EP300: variants seen among roughly 807,000 people sequenced by gnomAD.
The protein encoded by EP300 is EP300 lysine acetyltransferase, also known as histone acetyltransferase p300.
A neutral mutation model predicts 264.0 loss-of-function variants in EP300; 31 were observed. The ratio of observed to expected loss-of-function variants is 0.12; its 90% CI spans 0.09 to 0.16. The LOEUF is 0.16. Ranked by LOEUF, EP300 falls within the 10% of genes least tolerant of loss-of-function variation. The pLI, the probability that EP300 is intolerant of heterozygous loss-of-function variation, is 1.00. For synonymous variants in EP300, 1,340 were observed against 1,045.4 expected, an observed-to-expected ratio of 1.28 and a Z score of -5.44; for missense variants, 2,766 against 3,052.9, an observed-to-expected ratio of 0.91 and a Z score of 2.21.
chr22:41,120,839 C>T (rs2058848294), intron 2 of EP300, among the ~76,000 whole-genome samples: 1 of 152,204 alleles, frequency 6.6e-6, no homozygotes, highest in Non-Finnish European at 1.5e-5. Flanking sequence ...CTACCTCAGA[C>T]TCCTAAGTAG....
rs772022409 is a variant in EP300, at chr22:41,178,332, C to T, written c.6621C>T (p.Asn2207=). 7 of 1,614,144 alleles carry T rather than the reference C, an allele frequency of 4.3e-6. No homozygotes were observed. Among genetic ancestry groups the T allele is most frequent in the Non-Finnish European group, 5.9e-6 (7 of 1,180,016 alleles). ...AGPGIGPGMA[N]HNQFQQPQGV... ...CAGGAATAGGCCCTGGAATGGCCAACCATAACCAGTTCCAGCAACCCCAAG... is the reference window on the plus strand; with the variant it reads ...CAGGAATAGGCCCTGGAATGGCCAATCATAACCAGTTCCAGCAACCCCAAG... Residue 2207 remains asparagine (N), a synonymous_variant, in exon 31 of 31, where the codon AAC becomes AAT. Transcript: ENST00000263253.
intron 1 of EP300, among the ~76,000 whole-genome samples, chr22:41,105,452 G>A (rs1349457231): frequency 1.3e-5 from 2 of 151,686 alleles, no homozygotes; most frequent in Admixed American, 6.6e-5. Flanking sequence ...AGGCTGGAGT[G>A]CAGTGGTGCA....
At chr22:41,108,515 G>GATTA in intron 1 of EP300, among the ~76,000 whole-genome samples, 1 of 151,948 alleles carries the variant, frequency 6.6e-6, no homozygotes, top group Non-Finnish European at 1.5e-5. Context: ...TTCCAAAGTG[G>GATTA]TAGGATTATA....
intron 8 of EP300, among the ~76,000 whole-genome samples, chr22:41,139,340 G>C (rs1378007971): frequency 2.6e-5 from 4 of 152,142 alleles, no homozygotes; most frequent in African/African-American, 4.8e-5. Flanking sequence ...CTTTAATAAA[G>C]AATAACCGAT....
chr22:41,172,717 C>A (rs988061901), intron 28 of EP300, 54 bp downstream of exon 28: 1 of 1,558,394 alleles, frequency 6.4e-7, no homozygotes, highest in South Asian at 1.2e-5. Context: ...ATATTTAATC[C>A]AGAAGTGCAC....
Position 41,174,140 on chromosome 22 carries a change from A to G in EP300, c.4779+356A>G, listed in dbSNP as rs568127666. On this transcript the variant is annotated intron_variant, in intron 29 of 30. Transcript: ENST00000263253. Reference sequence around the variant, plus strand: ...AAAGAAATAAGAAATGAATAAAAACACTGACTGTTCGCTGGGCGTGGTGGC... The same window carrying G: ...AAAGAAATAAGAAATGAATAAAAACGCTGACTGTTCGCTGGGCGTGGTGGC... Among the ~76,000 whole-genome samples, 55 of 136,680 alleles carry G rather than the reference A, an allele frequency of 4.0e-4. 1 individual carries two copies. The highest frequency in any genetic ancestry group is 6.2e-4 in the Non-Finnish European group (38 of 61,696). The allele number at this position is 136,680 out of a possible 152,430, so 89.7% of individuals were successfully genotyped here.
chr22:41,146,626 T>C, intron 10 of EP300, 113 bp from the exon 11 acceptor site: 1 of 883,374 alleles, frequency 1.1e-6, no homozygotes, highest in Non-Finnish European at 1.9e-6. Context: ...TGATTCATAC[T>C]CAATTTTCAA....
chr22:41,166,242 T>C (rs920356500), intron 22 of EP300, among the ~76,000 whole-genome samples: 3 of 152,242 alleles, frequency 2.0e-5, no homozygotes, highest in African/African-American at 7.2e-5. Flanking sequence ...CTGAATCTAT[T>C]GGTTCTACTC....
intron 1 of EP300, among the ~76,000 whole-genome samples, chr22:41,104,019 A>G (rs566253095): frequency 6.6e-6 from 1 of 152,172 alleles, no homozygotes; most frequent in African/African-American, 2.4e-5. Context: ...CCAGATACCA[A>G]CTTAGAAACC....
chr22:41,152,479 G>A (rs2145741509), intron 16 of EP300, 129 bp downstream of exon 16: 1 of 1,060,670 alleles, frequency 9.4e-7, no homozygotes, highest in Non-Finnish European at 1.4e-6. Context: ...GAAGCCCTGG[G>A]CCTGGTCTCT....
Position 41,109,262 on chromosome 22 carries a change from A to AG in EP300, c.95-7925_95-7924insG, listed in dbSNP as rs1379133560. Among the ~76,000 whole-genome samples, 5 of 151,702 alleles carry AG rather than the reference A, an allele frequency of 3.3e-5. No homozygotes were observed. In the Middle Eastern group the frequency reaches 0.01, roughly 312 times the overall value. On this transcript the variant is annotated intron_variant, in intron 1 of 30. Transcript: ENST00000263253. ...GAGCAAGACCCTGTCTCAAAAAAAA[A>AG]AAAAAACAAAAAAAAACGGAAAACA...
intron 4 of EP300, among the ~76,000 whole-genome samples, chr22:41,129,171 G>A (rs201671451): frequency 4.1e-4 from 43 of 105,770 alleles, no homozygotes; most frequent in Admixed American, 9.4e-4. Flanking sequence ...CCACCATGGC[G>A]GCTAATTTTT....
intron 10 of EP300, among the ~76,000 whole-genome samples, chr22:41,145,015 T>C (rs1205738868): frequency 6.6e-6 from 1 of 152,232 alleles, no homozygotes; most frequent in African/African-American, 2.4e-5. Flanking sequence ...ACTTCAGTCC[T>C]CACCATTCTC....
intron 3 of EP300, 192 bp downstream of exon 3, chr22:41,126,232 G>A (rs1322283451): frequency 3.2e-6 from 2 of 615,676 alleles, no homozygotes; most frequent in South Asian, 1.9e-5. Flanking sequence ...GTTCCATGTG[G>A]TTATTGATCA....
chr22:41,140,656 AGGCAT>A (rs1330997959), intron 9 of EP300, among the ~76,000 whole-genome samples: 3 of 152,074 alleles, frequency 2.0e-5, no homozygotes, highest in Non-Finnish European at 2.9e-5. Flanking sequence ...AAAATTAGCC[AGGCAT>A]GGTGGCACGT....
intron 2 of EP300, among the ~76,000 whole-genome samples, chr22:41,125,428 G>GT (rs113266126): frequency 0.019 from 2,794 of 148,206 alleles, 71 homozygotes; most frequent in African/African-American, 0.065. Context: ...GTTTTTTGGG[G>GT]TTTTTTTTTT....
At chr22:41,165,445 C>CA (rs2059128938) in intron 22 of EP300, among the ~76,000 whole-genome samples, 1 of 152,058 alleles carries the variant, frequency 6.6e-6, no homozygotes, top group South Asian at 2.1e-4. Flanking sequence ...TTTTTTGAGA[C>CA]AGAGTTTCGC....
At chr22:41,093,604 A>G (rs962744644) in intron 1 of EP300, among the ~76,000 whole-genome samples, 4 of 152,192 alleles carry the variant, frequency 2.6e-5, no homozygotes, top group East Asian at 1.9e-4. Context: ...GCGAGGTCCA[A>G]GATTTCAGGT....
intron 29 of EP300, among the ~76,000 whole-genome samples, chr22:41,175,434 C>T (rs967587985): frequency 2.6e-5 from 4 of 152,106 alleles, no homozygotes; most frequent in African/African-American, 9.7e-5. Flanking sequence ...ATATGTAATA[C>T]CAGCTTTTTA....
Sources: gnomAD v4.1 joint callset for allele counts (sites outside exome capture counted in the v4.1 genomes callset) on GRCh38, gnomAD v4.1.1 for gene constraint, MANE v1.5 for transcripts, NCBI Gene and HGNC (gene_info 2026-07-23, HGNC 2026-07-21) for gene names.